Variants in ATP9B observed in about 807,000 individuals in gnomAD.
ATP9B encodes the protein probable phospholipid-transporting ATPase IIB.
In ATP9B, 110 loss-of-function variants were observed where a neutral mutation model predicts 146.1. The observed-to-expected ratio is 0.75, with a 90% CI of 0.65 to 0.88. ATP9B has a LOEUF of 0.88. Ranked by LOEUF, ATP9B falls within the 40% of genes least tolerant of loss-of-function variation. The pLI is 0.00. For missense variants in ATP9B, 1,499 were observed against 1,496.4 expected, an observed-to-expected ratio of 1.00 and a Z score of -0.03; for synonymous variants, 604 against 569.7, an observed-to-expected ratio of 1.06 and a Z score of -0.86.
In ATP9B at chr18:79,240,491, A is replaced by T. The variant is rs888083056; in HGVS notation, c.1108-12890A>T. On this transcript the variant is annotated intron_variant, in intron 11 of 29. Coordinates refer to ENST00000426216, the MANE Select transcript of ATP9B (RefSeq NM_198531.5). ...GGCCGGACACAGGCTCACGCCTGTA[A>T]TGCCAGCACTTTGGGAGGCTGAGGC... 3.3e-5 allele frequency among the ~76,000 whole-genome samples: 5 copies of T among 152,360 alleles called. No individual in the cohort carries two copies. The South Asian group carries it at 6.2e-4, about 19-fold the overall frequency.
At chr18:79,163,906 A>ACACACACACAC (rs1555719006) in intron 7 of ATP9B, among the ~76,000 whole-genome samples, 2 of 149,790 alleles carry the variant, frequency 1.3e-5, no homozygotes, top group South Asian at 4.3e-4. Flanking sequence ...ACACACACAC[A>ACACACACACAC]GGGGGAGACA....
At chr18:79,084,860 T>C (rs2073653591) in intron 1 of ATP9B, among the ~76,000 whole-genome samples, 1 of 152,220 alleles carries the variant, frequency 6.6e-6, no homozygotes, top group African/African-American at 2.4e-5. Flanking sequence ...GTTGGTTAGT[T>C]GTTAAAACTT....
In ATP9B at chr18:79,189,738, G is replaced by A. The variant is rs1048177327; in HGVS notation, c.874-3445G>A. Among the ~76,000 whole-genome samples the A allele has an allele frequency of 1.5e-4, 23 of 152,304 alleles. No individual in the cohort carries two copies. In the East Asian group the frequency reaches 4.2e-3, roughly 28 times the overall value. ...GTGAACTGTCTGTCTGAAATGGTGG[G>A]CAGCCACAGCTGCAGACTTTAATCC... On this transcript the variant is annotated intron_variant, in intron 8 of 29. Coordinates refer to ENST00000426216, the MANE Select transcript of ATP9B (RefSeq NM_198531.5).
At position 79,096,615 on chromosome 18, in the gene ATP9B, T is replaced by A; in HGVS notation, c.259T>A (p.Phe87Ile). The change falls in exon 2 of 30, where the codon TTT becomes ATT. Residue 87 changes from phenylalanine (F) to isoleucine (I), a missense_variant. Phe to Ile is a conservative substitution (Grantham distance 21). Coordinates refer to ENST00000426216, the MANE Select transcript of ATP9B (RefSeq NM_198531.5). ...IMQRKRGLEW[F>I]VCDGWKFLCT... ...GCAAAGGAAAAGAGGACTGGAGTGG[T>A]TTGTCTGTGATGGCTGGAAGTTCCT... is the stretch of plus-strand genomic sequence containing the variant. The A allele has an allele frequency of 6.2e-7, 1 of 1,613,828 alleles. No homozygotes were observed. The highest frequency in any genetic ancestry group is 8.5e-7 in the Non-Finnish European group (1 of 1,179,904).
chr18:79,341,313 G>T (rs111589516), intron 19 of ATP9B, among the ~76,000 whole-genome samples: 5 of 133,864 alleles, frequency 3.7e-5, no homozygotes, highest in African/African-American at 5.6e-5. Context: ...GTTGTGGTTG[G>T]ATGTGTGTAG....
chr18:79,330,314 T>G (rs1303886284), intron 17 of ATP9B, among the ~76,000 whole-genome samples: 1 of 152,230 alleles, frequency 6.6e-6, no homozygotes, highest in Non-Finnish European at 1.5e-5. Flanking sequence ...CCACATAGGT[T>G]GTCAAACACA....
At chr18:79,282,954 C>G (rs760236458) in intron 13 of ATP9B, among the ~76,000 whole-genome samples, 5 of 152,192 alleles carry the variant, frequency 3.3e-5, no homozygotes, top group Non-Finnish European at 7.3e-5. Context: ...CAGGGGCACC[C>G]AGGCCAACAG....
intron 5 of ATP9B, among the ~76,000 whole-genome samples, chr18:79,135,059 G>A (rs1364405912): frequency 6.6e-6 from 1 of 152,076 alleles, no homozygotes; most frequent in Non-Finnish European, 1.5e-5. Flanking sequence ...CAGTTGTTTT[G>A]AAACCATGTT....
chr18:79,356,690 G>A (rs2096955439), intron 25 of ATP9B, among the ~76,000 whole-genome samples: 1 of 152,236 alleles, frequency 6.6e-6, no homozygotes, highest in Non-Finnish European at 1.5e-5. Context: ...TTCTTGAAAT[G>A]ACCAGATTAG....
rs370790139 is a variant in ATP9B, at chr18:79,175,749, A to C, written c.779-1064A>C. Among the ~76,000 whole-genome samples, 4 of 152,058 alleles carry C rather than the reference A, an allele frequency of 2.6e-5. No homozygotes were observed. In the East Asian group the frequency reaches 5.8e-4, roughly 22 times the overall value. The stretch of plus-strand genomic sequence containing the variant: ...ACAAACATACACACAAGCACACACA[A>C]ATACATATGTACACATGCATGTGCA... On this transcript the variant is annotated intron_variant, in intron 7 of 29. Transcript: ENST00000426216.
intron 26 of ATP9B, among the ~76,000 whole-genome samples, chr18:79,366,798 G>C (rs944838926): frequency 6.6e-6 from 1 of 152,200 alleles, no homozygotes; most frequent in African/African-American, 2.4e-5. Context: ...TAATTCCAGG[G>C]CTGAGGCAAG....
At chr18:79,268,707 A>G (rs759169931) in intron 12 of ATP9B, among the ~76,000 whole-genome samples, 13 of 152,182 alleles carry the variant, frequency 8.5e-5, no homozygotes, top group Non-Finnish European at 1.8e-4. Context: ...TTTTGTTTAT[A>G]CATTCTCCAT....
intron 27 of ATP9B, among the ~76,000 whole-genome samples, chr18:79,373,680 G>C (rs1379206384): frequency 1.3e-5 from 2 of 152,068 alleles, no homozygotes; most frequent in African/African-American, 4.8e-5. Context: ...TAGTAGAGAT[G>C]GGGTTTCAGC....
Position 79,193,188 on chromosome 18 carries a change from T to C in ATP9B, c.879T>C (p.Leu293=). 6.2e-7 allele frequency: 1 copy of C among 1,603,320 alleles called. No individual in the cohort carries two copies. Among genetic ancestry groups the C allele is most frequent in the Non-Finnish European group, 8.5e-7 (1 of 1,171,608 alleles). ...CTQQLPALGD[L]FSISAYVYAQ... is the part of the protein sequence containing the mutation. The stretch of plus-strand genomic sequence containing the variant: ...TCAAATGTTCTGTATTCCAGGACCT[T>C]TTTTCTATCAGTGCTTATGTTTATG... The change falls in exon 9 of 30, where the codon CTT becomes CTC. Residue 293 remains leucine (L), a synonymous_variant. Coordinates refer to ENST00000426216, the MANE Select transcript of ATP9B (RefSeq NM_198531.5).
chr18:79,310,395 A>G (rs2096646092), intron 15 of ATP9B, among the ~76,000 whole-genome samples: 1 of 152,246 alleles, frequency 6.6e-6, no homozygotes, highest in Non-Finnish European at 1.5e-5. Context: ...TTTGTAGCCC[A>G]AAGAAGACAG....
intron 15 of ATP9B, among the ~76,000 whole-genome samples, chr18:79,312,018 G>T (rs1476810741): frequency 6.6e-6 from 1 of 152,188 alleles, no homozygotes; most frequent in Non-Finnish European, 1.5e-5. Context: ...CTGTTCCCGA[G>T]ACCTCTCTGA....
chr18:79,193,642 C>T (rs2095390641), intron 9 of ATP9B, among the ~76,000 whole-genome samples: 1 of 152,172 alleles, frequency 6.6e-6, no homozygotes, highest in Non-Finnish European at 1.5e-5. Context: ...TCTGTACATG[C>T]ATGTTGTGTT....
chr18:79,322,704 C>G (rs1375769024), intron 15 of ATP9B, among the ~76,000 whole-genome samples: 2 of 152,166 alleles, frequency 1.3e-5, no homozygotes, highest in Non-Finnish European at 2.9e-5. Flanking sequence ...GATTCTTAAG[C>G]AAAACAGACC....
intron 1 of ATP9B, among the ~76,000 whole-genome samples, chr18:79,079,096 A>G (rs961977718): frequency 1.5e-4 from 23 of 152,150 alleles, no homozygotes; most frequent in Admixed American, 9.2e-4. Context: ...AGTCTTTGCT[A>G]TTGTGAGTAG....
Sources: gnomAD v4.1 joint callset for allele counts (sites outside exome capture counted in the v4.1 genomes callset) on GRCh38, gnomAD v4.1.1 for gene constraint, MANE v1.5 for transcripts, NCBI Gene and HGNC (gene_info 2026-07-23, HGNC 2026-07-21) for gene names.